The following PRLR variants were observed in gnomAD, a reference collection of about 807,000 sequenced individuals.
PRLR encodes the protein prolactin receptor.
A neutral mutation model predicts 40.2 loss-of-function variants in PRLR; 13 were observed. The ratio of observed to expected loss-of-function variants is 0.32; its 90% CI spans 0.21 to 0.51. The LOEUF (loss-of-function observed/expected upper bound fraction) is 0.51, where lower values mean the gene tolerates loss of function less well. PRLR is among the 20% of genes least tolerant of loss of function. The pLI is 0.97. For synonymous variants in PRLR, 269 were observed against 278.7 expected (o/e 0.97, Z 0.35); for missense variants, 656 against 747.3 (o/e 0.88, Z 1.42).
intron 1 of PRLR, among the ~76,000 whole-genome samples, chr5:35,177,914 G>C (rs922568017): frequency 2.0e-5 from 3 of 151,658 alleles, no homozygotes; most frequent in Non-Finnish European, 4.4e-5. Context: ...ATTTCATTTC[G>C]CATGTCTACC....
intron 5 of PRLR, among the ~76,000 whole-genome samples, chr5:35,075,951 C>T (rs377234837): frequency 3.3e-5 from 5 of 152,214 alleles, no homozygotes; most frequent in African/African-American, 1.2e-4. Flanking sequence ...CTCCAACAAA[C>T]TCCAACAGAC....
intron 2 of PRLR, among the ~76,000 whole-genome samples, chr5:35,098,225 T>C (rs967174334): frequency 3.3e-5 from 5 of 152,208 alleles, no homozygotes; most frequent in Non-Finnish European, 5.9e-5. Context: ...TAAATGCAAC[T>C]GGATGGTTTG....
intron 2 of PRLR, among the ~76,000 whole-genome samples, chr5:35,095,836 C>T (rs1216984785): frequency 5.3e-5 from 8 of 152,128 alleles, no homozygotes; most frequent in African/African-American, 1.7e-4. Context: ...TTATATAAAA[C>T]GTTTATCACC....
chr5:35,137,712 A>G lies in PRLR; in HGVS notation c.-105-19590T>C, dbSNP rs540250123. ...AAAAGAGATATGGAAATGACACTGT[A>G]GTGCTTGGGCTCTTTTAATGGAAGG... is the stretch of plus-strand genomic sequence containing the variant. On this transcript the variant is annotated intron_variant, in intron 1 of 9. Coordinates refer to ENST00000618457, the MANE Select transcript of PRLR (RefSeq NM_000949.7). Among the ~76,000 whole-genome samples the G allele has an allele frequency of 3.3e-5, 5 of 152,370 alleles. No individual in the cohort carries two copies. In the South Asian group the frequency reaches 1.0e-3, roughly 32 times the overall value.
In PRLR at chr5:35,063,699, T is replaced by G. The variant is rs868525401; in HGVS notation, c.*1390A>C. ...ACTAACTCCTGGCTTTGCTTAAAATTTTTTTGTGGCCCAAGATTTCTCACA... is the reference window on the plus strand; with the variant it reads ...ACTAACTCCTGGCTTTGCTTAAAATGTTTTTGTGGCCCAAGATTTCTCACA... On this transcript the variant is annotated 3_prime_UTR_variant, in exon 10 of 10. Transcript: ENST00000618457. 1 of 152,214 alleles carries G rather than the reference T, an allele frequency of 6.6e-6. No individual in the cohort carries two copies. The highest frequency in any genetic ancestry group is 1.5e-5 in the Non-Finnish European group (1 of 68,040). 9.4% of individuals were successfully genotyped at this position (152,214 alleles called of 1,614,324 possible).
In PRLR at chr5:35,069,621, G is replaced by A. The variant is rs115916922; in HGVS notation, c.685+503C>T. ...AAATAAGGTACAGGCTTTGTAAGCT[G>A]TAAAGCATTTTAAAAATGCAAGATG... On this transcript the variant is annotated intron_variant, in intron 7 of 9. Transcript: ENST00000618457. Among the ~76,000 whole-genome samples, 719 of 152,326 alleles carry A rather than the reference G, an allele frequency of 4.7e-3. 4 individuals are homozygous for A. The highest frequency in any genetic ancestry group is 8.2e-3 in the Non-Finnish European group (560 of 68,040).
intron 1 of PRLR, among the ~76,000 whole-genome samples, chr5:35,165,162 A>C (rs999274960): frequency 6.6e-6 from 1 of 152,150 alleles, no homozygotes; most frequent in Non-Finnish European, 1.5e-5. Context: ...ATCAAAAATT[A>C]CTCTGGATGA....
intron 1 of PRLR, among the ~76,000 whole-genome samples, chr5:35,127,232 T>C (rs1773500981): frequency 6.6e-6 from 1 of 152,214 alleles, no homozygotes; most frequent in Admixed American, 6.5e-5. Flanking sequence ...AGCTGTGAAC[T>C]TGTCAGCTGA....
At position 35,086,282 on chromosome 5, in the gene PRLR, TG is replaced by T; in HGVS notation, c.128del (p.Thr43AsnfsTer20). The part of the protein sequence containing the change: ...IFKCRSPNKE[T>X]FTCWWRPGTD... ...TCCCAGGCCTCCACCAGCAGGTGAA[TG>T]TTTCCTTATTGGGAGAACGACATTT... On this transcript the variant is annotated frameshift_variant, in exon 4 of 10. Coordinates refer to ENST00000618457, the MANE Select transcript of PRLR (RefSeq NM_000949.7). LOFTEE classifies it high-confidence loss of function. 6.2e-7 allele frequency: 1 copy of T among 1,614,110 alleles called. No homozygotes were observed. The highest frequency in any genetic ancestry group is 8.5e-7 in the Non-Finnish European group (1 of 1,179,966).
intron 1 of PRLR, among the ~76,000 whole-genome samples, chr5:35,210,994 T>C (rs1305520326): frequency 1.3e-5 from 2 of 152,202 alleles, no homozygotes; most frequent in African/African-American, 4.8e-5. Context: ...ACTACAGGCA[T>C]GAGCCACTGC....
intron 5 of PRLR, among the ~76,000 whole-genome samples, chr5:35,083,726 G>T (rs1332403353): frequency 6.7e-6 from 1 of 149,448 alleles, no homozygotes; most frequent in Non-Finnish European, 1.5e-5. Flanking sequence ...CACCATGTTG[G>T]TCAGGCTGGT....
intron 1 of PRLR, among the ~76,000 whole-genome samples, chr5:35,120,418 G>A (rs1773249235): frequency 6.6e-6 from 1 of 152,150 alleles, no homozygotes; most frequent in South Asian, 2.1e-4. Context: ...CTGACCCTAA[G>A]ATGGCCCTTG....
At chr5:35,217,023 C>T (rs1487295862) in intron 1 of PRLR, among the ~76,000 whole-genome samples, 1 of 152,278 alleles carries the variant, frequency 6.6e-6, no homozygotes, top group East Asian at 1.9e-4. Flanking sequence ...ACAGGTTTTG[C>T]CTTCCCTCAT....
chr5:35,107,602 A>C lies in PRLR; in HGVS notation c.-44+10459T>G, dbSNP rs551594050. Reference sequence around the variant, plus strand: ...ATCAGAAAATACTATAAAAACCTCTATGCAAATAAACTAGAAAATCTAGAA... The same window carrying C: ...ATCAGAAAATACTATAAAAACCTCTCTGCAAATAAACTAGAAAATCTAGAA... On this transcript the variant is annotated intron_variant, in intron 2 of 9. Coordinates refer to ENST00000618457, the MANE Select transcript of PRLR (RefSeq NM_000949.7). Among the ~76,000 whole-genome samples the C allele has an allele frequency of 7.4e-4, 112 of 152,344 alleles. 2 individuals are homozygous for C. The South Asian group carries it at 0.017, about 23-fold the overall frequency.
chr5:35,121,453 C>T (rs1773289090), intron 1 of PRLR, among the ~76,000 whole-genome samples: 1 of 152,128 alleles, frequency 6.6e-6, no homozygotes, highest in Non-Finnish European at 1.5e-5. Context: ...GTGACCAATA[C>T]ATTTTTTTTG....
At chr5:35,053,350 T>C (rs960191847), downstream of PRLR, among the ~76,000 whole-genome samples, 3 of 152,148 alleles carry the variant, frequency 2.0e-5, no homozygotes, top group Admixed American at 1.3e-4. Flanking sequence ...GAATGCAAGA[T>C]CAGTATTAAA....
intron 2 of PRLR, among the ~76,000 whole-genome samples, chr5:35,101,732 TA>T (rs1771890347): frequency 6.7e-6 from 1 of 148,524 alleles, no homozygotes; most frequent in African/African-American, 2.4e-5. Context: ...AAAACATATA[TA>T]AAACATATAT....
intron 5 of PRLR, among the ~76,000 whole-genome samples, chr5:35,080,432 G>A (rs952395640): frequency 1.4e-4 from 21 of 152,114 alleles, no homozygotes; most frequent in African/African-American, 3.1e-4. Context: ...CAACAGACAC[G>A]TGAAAAAATG....
intron 2 of PRLR, among the ~76,000 whole-genome samples, chr5:35,110,296 T>G (rs1772577419): frequency 6.6e-6 from 1 of 152,008 alleles, no homozygotes; most frequent in Non-Finnish European, 1.5e-5. Flanking sequence ...CACACCAACA[T>G]GGCACATGTA....
Sources: gnomAD v4.1 joint callset for allele counts (sites outside exome capture counted in the v4.1 genomes callset) on GRCh38, gnomAD v4.1.1 for gene constraint, MANE v1.5 for transcripts, NCBI Gene and HGNC (gene_info 2026-07-23, HGNC 2026-07-21) for gene names.